STAC: variants seen among roughly 807,000 people sequenced by gnomAD.
STAC encodes SH3 and cysteine rich domain.
A neutral mutation model predicts 48.8 loss-of-function variants in STAC; 43 were observed. The ratio of observed to expected loss-of-function variants is 0.88; its 90% CI spans 0.69 to 1.14. The LOEUF (loss-of-function observed/expected upper bound fraction) is 1.14. Ranked by LOEUF, STAC falls within the 50% of genes most tolerant of loss-of-function variation. STAC has a pLI of 0.00. For missense variants in STAC, 497 were observed against 504.0 expected, an observed-to-expected ratio of 0.99 and a Z score of 0.13; for synonymous variants, 193 against 179.5, an observed-to-expected ratio of 1.07 and a Z score of -0.60.
At chr3:36,411,137 T>C (rs550994652) in intron 1 of STAC, among the ~76,000 whole-genome samples, 3 of 152,296 alleles carry the variant, frequency 2.0e-5, no homozygotes, top group African/African-American at 7.2e-5. Context: ...AAACCCCACA[T>C]CCAACCCACT....
At chr3:36,471,644 G>C (rs2125691901) in intron 2 of STAC, among the ~76,000 whole-genome samples, 1 of 152,278 alleles carries the variant, frequency 6.6e-6, no homozygotes, top group African/African-American at 2.4e-5. Flanking sequence ...CAAAACAAAG[G>C]AGTTAAGGGC....
At chr3:36,510,358 G>T (rs1698505708) in intron 8 of STAC, among the ~76,000 whole-genome samples, 2 of 152,256 alleles carry the variant, frequency 1.3e-5, no homozygotes, top group African/African-American at 4.8e-5. Flanking sequence ...TGTTTATGGG[G>T]CTGTAAATTA....
intron 1 of STAC, among the ~76,000 whole-genome samples, chr3:36,424,107 T>A (rs1173381426): frequency 6.6e-6 from 1 of 152,194 alleles, no homozygotes; most frequent in African/African-American, 2.4e-5. Flanking sequence ...AGCATGTAGC[T>A]GATAAGTATT....
intron 2 of STAC, among the ~76,000 whole-genome samples, chr3:36,450,334 G>A (rs1271804406): frequency 2.0e-5 from 3 of 152,172 alleles, no homozygotes; most frequent in Admixed American, 2.0e-4. Flanking sequence ...AACATTTTCT[G>A]ATTTTTCTAA....
At chr3:36,532,110 C>A (rs551712792) in intron 10 of STAC, among the ~76,000 whole-genome samples, 1 of 152,146 alleles carries the variant, frequency 6.6e-6, no homozygotes, top group South Asian at 2.1e-4. Flanking sequence ...TGCACACACA[C>A]AACACACACA....
intron 10 of STAC, among the ~76,000 whole-genome samples, chr3:36,542,552 T>G (rs757151367): frequency 1.3e-5 from 2 of 152,192 alleles, no homozygotes; most frequent in Non-Finnish European, 1.5e-5. Flanking sequence ...CTAGTCTTAT[T>G]TTCCTCCTTC....
intron 10 of STAC, among the ~76,000 whole-genome samples, chr3:36,543,458 A>T (rs1575275479): frequency 6.6e-6 from 1 of 152,234 alleles, no homozygotes. Flanking sequence ...GATGCCAAAC[A>T]GGAAGGTTGA....
rs146822841 is a variant in STAC, at chr3:36,476,701, T to C, written c.389-6291T>C. Among the ~76,000 whole-genome samples, 33 of 152,372 alleles carry C rather than the reference T, an allele frequency of 2.2e-4. No homozygotes were observed. The East Asian group carries it at 4.6e-3, about 21-fold the overall frequency. On this transcript the variant is annotated intron_variant, in intron 2 of 10. Transcript: ENST00000273183. ...TTATTGTCTAGCACCAGTTTTGTTATAGCCTTTAGTTTAAAAGTACTGACT... is the reference window on the plus strand; with the variant it reads ...TTATTGTCTAGCACCAGTTTTGTTACAGCCTTTAGTTTAAAAGTACTGACT...
intron 8 of STAC, among the ~76,000 whole-genome samples, chr3:36,526,612 C>T (rs1375487382): frequency 6.6e-6 from 1 of 152,174 alleles, no homozygotes; most frequent in Non-Finnish European, 1.5e-5. Context: ...CACAGCATTA[C>T]TGTGACAATA....
At chr3:36,410,901 T>G (rs1559481188) in intron 1 of STAC, among the ~76,000 whole-genome samples, 1 of 152,240 alleles carries the variant, frequency 6.6e-6, no homozygotes, top group Non-Finnish European at 1.5e-5. Context: ...TGTTTGGGAC[T>G]ATACATTTAC....
chr3:36,420,790 C>A (rs1700432783), intron 1 of STAC, among the ~76,000 whole-genome samples: 1 of 152,136 alleles, frequency 6.6e-6, no homozygotes, highest in Non-Finnish European at 1.5e-5. Flanking sequence ...TTGTTAAAAC[C>A]TTTCTAAACA....
intron 1 of STAC, among the ~76,000 whole-genome samples, chr3:36,399,452 G>A (rs1319870002): frequency 2.0e-5 from 3 of 152,222 alleles, no homozygotes; most frequent in Non-Finnish European, 4.4e-5. Flanking sequence ...TAGGAACTGG[G>A]TGGTTACCCC....
In STAC at chr3:36,476,354, A is replaced by C. The variant is rs1269341829; in HGVS notation, c.389-6638A>C. 3.3e-5 allele frequency among the ~76,000 whole-genome samples: 5 copies of C among 152,200 alleles called. No individual in the cohort carries two copies. In the South Asian group the frequency reaches 8.3e-4, roughly 25 times the overall value. On this transcript the variant is annotated intron_variant, in intron 2 of 10. Transcript: ENST00000273183. ...GTGGAGGGAAGGAGGGTGTGTGTGCAGGAGGCTTTGGAAAGTACTTAGAGG... is the reference window on the plus strand; with the variant it reads ...GTGGAGGGAAGGAGGGTGTGTGTGCCGGAGGCTTTGGAAAGTACTTAGAGG...
Position 36,505,806 on chromosome 3 carries a change from C to T in STAC, c.892C>T (p.Pro298Ser), listed in dbSNP as rs150972161. ...CTATGTTGCCTTGTACAAATTTGTA[C>T]CACAGGAGAATGAAGATTTGGAAAT... is the stretch of plus-strand genomic sequence containing the variant. The part of the protein sequence containing the change: ...NTYVALYKFV[P>S]QENEDLEMRP... Residue 298 changes from proline to serine, a missense_variant, in exon 8 of 11, where the codon CCA (proline) becomes TCA (serine). Physicochemically the swap from Pro to Ser is moderately conservative, Grantham distance 74 (BLOSUM62 -1). Coordinates refer to ENST00000273183, the MANE Select transcript of STAC (RefSeq NM_003149.3). The T allele has an allele frequency of 1.0e-4, 167 of 1,604,532 alleles. 1 individual carries two copies. Among genetic ancestry groups the T allele is most frequent in the Non-Finnish European group, 1.3e-4 (157 of 1,176,064 alleles).
chr3:36,435,577 C>T (rs1379424830), intron 1 of STAC, among the ~76,000 whole-genome samples: 2 of 152,082 alleles, frequency 1.3e-5, no homozygotes, highest in African/African-American at 2.4e-5. Context: ...CCTCTTTTCA[C>T]TAATCTTCTT....
At chr3:36,403,595 A>C (rs893789106) in intron 1 of STAC, among the ~76,000 whole-genome samples, 4 of 152,190 alleles carry the variant, frequency 2.6e-5, no homozygotes, top group African/African-American at 9.6e-5. Context: ...AAAAGCAAAA[A>C]ATGTAAAAAT....
intron 5 of STAC, among the ~76,000 whole-genome samples, chr3:36,488,400 G>T (rs536244661): frequency 6.6e-6 from 1 of 152,194 alleles, no homozygotes; most frequent in Non-Finnish European, 1.5e-5. Flanking sequence ...TGACTTACTC[G>T]AGGGTAACTT....
chr3:36,392,086 T>C (rs1340884377), intron 1 of STAC, among the ~76,000 whole-genome samples: 1 of 152,132 alleles, frequency 6.6e-6, no homozygotes, highest in African/African-American at 2.4e-5. Context: ...CTTGGAGACC[T>C]TGGAAAAGAT....
Position 36,481,013 on chromosome 3 carries a change from G to A in STAC, c.389-1979G>A, listed in dbSNP as rs575423447. ...CAGAGTGTTGGGAGAAAAAGTAAGA[G>A]GAAAAGGATAATTTAGACAGGGGTG... On this transcript the variant is annotated intron_variant, in intron 2 of 10. Coordinates refer to ENST00000273183, the MANE Select transcript of STAC (RefSeq NM_003149.3). Among the ~76,000 whole-genome samples, 3 of 152,258 alleles carry A rather than the reference G, an allele frequency of 2.0e-5. No individual in the cohort carries two copies. In the East Asian group the frequency reaches 5.8e-4, roughly 29 times the overall value.
Sources: gnomAD v4.1 joint callset for allele counts (sites outside exome capture counted in the v4.1 genomes callset) on GRCh38, gnomAD v4.1.1 for gene constraint, MANE v1.5 for transcripts, NCBI Gene and HGNC (gene_info 2026-07-23, HGNC 2026-07-21) for gene names.